Variants in EFCAB9 observed in about 807,000 individuals in gnomAD.
EFCAB9 encodes the protein EF-hand calcium-binding domain-containing protein 9.
Under a neutral mutation model 15.6 loss-of-function variants are expected in EFCAB9, and 16 were observed. The ratio of observed to expected loss-of-function variants is 1.03; its 90% CI spans 0.69 to 1.56. The LOEUF (loss-of-function observed/expected upper bound fraction) is 1.56, where lower values mean the gene tolerates loss of function less well. EFCAB9 is among the 40% of genes most tolerant of loss of function. EFCAB9 has a pLI of 0.00. For synonymous variants in EFCAB9, 76 were observed against 85.4 expected, an observed-to-expected ratio of 0.89 and a Z score of 0.61; for missense variants, 208 against 235.4, an observed-to-expected ratio of 0.88 and a Z score of 0.76.
chr5:172,199,362 C>T, intron 1 of EFCAB9, 21 bp from the exon 2 acceptor site: 2 of 1,536,588 alleles, frequency 1.3e-6, no homozygotes, highest in Non-Finnish European at 1.7e-6. Flanking sequence ...AACACATCTC[C>T]TCACCTGCCC....
chr5:172,199,963 G>A (rs1233297880), intron 2 of EFCAB9, among the ~76,000 whole-genome samples: 7 of 124,576 alleles, frequency 5.6e-5, no homozygotes, highest in Non-Finnish European at 8.0e-5. Flanking sequence ...TTGAGACTGA[G>A]TCTCAATCTG....
intron 2 of EFCAB9, among the ~76,000 whole-genome samples, chr5:172,199,828 G>C (rs779939481): frequency 6.6e-6 from 1 of 151,362 alleles, no homozygotes; most frequent in Non-Finnish European, 1.5e-5. Context: ...AGAATCACCA[G>C]TTAGCTCAAA....
At position 172,203,289 on chromosome 5, in the gene EFCAB9, G is replaced by A. The variant is rs1192061610; in HGVS notation, c.538G>A (p.Glu180Lys). The A allele has an allele frequency of 6.5e-7, 1 of 1,536,468 alleles. No individual in the cohort carries two copies. The highest frequency in any genetic ancestry group is 2.0e-5 in the Admixed American group (1 of 50,894). ...DKLQKRQKTEEKEKGERKRSL... is the reference protein window; with the variant it reads ...DKLQKRQKTEKKEKGERKRSL... ...ATTACAGAAGAGGCAGAAAACAGAGGAGAAAGAAAAAGGAGAGAGAAAGAG... is the reference window on the plus strand; with the variant it reads ...ATTACAGAAGAGGCAGAAAACAGAGAAGAAAGAAAAAGGAGAGAGAAAGAG... Residue 180 changes from glutamate to lysine, a missense_variant, in exon 4 of 4, where the codon GAG becomes AAG. Transcript: ENST00000398186.
At chr5:172,200,975 G>C (rs1388101683) in intron 3 of EFCAB9, among the ~76,000 whole-genome samples, 2 of 152,216 alleles carry the variant, frequency 1.3e-5, no homozygotes, top group Non-Finnish European at 2.9e-5. Context: ...GCTCATGCCT[G>C]TAATCCCAGG....
chr5:172,203,216 T>C lies in EFCAB9; in HGVS notation c.465T>C (p.Arg155=), dbSNP rs1771287880. 6.6e-7 allele frequency: 1 copy of C among 1,516,574 alleles called. No homozygotes were observed. 93.9% of individuals were successfully genotyped at this position (1,516,574 alleles called of 1,614,324 possible). The change falls in exon 4 of 4, where the codon CGT becomes CGC. Residue 155 remains arginine, a splice_region_variant and synonymous_variant. Transcript: ENST00000398186. The part of the protein sequence containing the change: ...FRDFDITGDN[R]LNYQEFKLYT... ...TTTCCCCCCCACCCTAACCAAAGCG[T>C]CTTAATTATCAGGAATTTAAGCTGT...
At position 172,200,565 on chromosome 5, in the gene EFCAB9, G is replaced by A. The variant is rs917638708; in HGVS notation, c.286-1G>A. 2 of 1,534,932 alleles carry A rather than the reference G, an allele frequency of 1.3e-6. No homozygotes were observed. The highest frequency in any genetic ancestry group is 1.7e-6 in the Non-Finnish European group (2 of 1,146,044). On this transcript the variant is annotated splice_acceptor_variant, in intron 2 of 3. Coordinates refer to ENST00000398186, the MANE Select transcript of EFCAB9 (RefSeq NM_001171183.2). LOFTEE classifies it high-confidence loss of function. Reference sequence around the variant, plus strand: ...CATCTCACCTATTTCTCTCGCAATAGAACCATTTGGAAGGACAGTTTATGT... The same window carrying A: ...CATCTCACCTATTTCTCTCGCAATAAAACCATTTGGAAGGACAGTTTATGT...
At chr5:172,201,620 G>A (rs1274446664) in intron 3 of EFCAB9, among the ~76,000 whole-genome samples, 1 of 152,144 alleles carries the variant, frequency 6.6e-6, no homozygotes, top group Non-Finnish European at 1.5e-5. Flanking sequence ...ATACTTTGGA[G>A]GAAATATAAT....
intron 1 of EFCAB9, among the ~76,000 whole-genome samples, chr5:172,196,389 CTTTTTTTT>C (rs557468567): frequency 7.0e-6 from 1 of 142,778 alleles, no homozygotes; most frequent in Non-Finnish European, 1.5e-5. Flanking sequence ...GGAGACATTT[CTTTTTTTT>C]TTTTTTGAGA....
Position 172,203,198 on chromosome 5 carries a change from C to T in EFCAB9, c.463-16C>T. On this transcript the variant is annotated splice_polypyrimidine_tract_variant and intron_variant, in intron 3 of 3. Coordinates refer to ENST00000398186, the MANE Select transcript of EFCAB9 (RefSeq NM_001171183.2). ...TTCCTGAAATAATTTTTCTTTCCCC[C>T]CCACCCTAACCAAAGCGTCTTAATT... 1 of 1,457,160 alleles carries T rather than the reference C, an allele frequency of 6.9e-7. No individual in the cohort carries two copies. Among genetic ancestry groups the T allele is most frequent in the Non-Finnish European group, 9.0e-7 (1 of 1,114,186 alleles). 90.3% of individuals were successfully genotyped at this position (1,457,160 alleles called of 1,614,324 possible). A position where few individuals can be genotyped will look rare whatever the true frequency, so the allele number is the denominator to read the frequency against.
At chr5:172,202,707 C>CAA (rs904999655) in intron 3 of EFCAB9, among the ~76,000 whole-genome samples, 2 of 128,636 alleles carry the variant, frequency 1.6e-5, no homozygotes, top group Non-Finnish European at 3.4e-5. Flanking sequence ...GACCCCGTCT[C>CAA]AAAAAAAAAA....
At chr5:172,197,672 C>A (rs1771184379) in intron 1 of EFCAB9, among the ~76,000 whole-genome samples, 1 of 152,166 alleles carries the variant, frequency 6.6e-6, no homozygotes, top group South Asian at 2.1e-4. Context: ...TCCCTGACTT[C>A]AAGATAAAGC....
intron 1 of EFCAB9, among the ~76,000 whole-genome samples, chr5:172,195,381 T>G (rs1406502346): frequency 3.9e-5 from 6 of 152,136 alleles, no homozygotes; most frequent in Admixed American, 6.5e-5. Context: ...TCCGTCATGA[T>G]TTTAAGGAGT....
rs1771120353 is a variant in EFCAB9 at position 172,194,316 on chromosome 5, C to T, written c.136+8C>T. ...GCAAGAACACCTTGAATGGTCAGTA[C>T]TTTCAGACATGTCTCCTCTGGGTCC... is the stretch of plus-strand genomic sequence containing the variant. On this transcript the variant is annotated splice_region_variant and intron_variant, in intron 1 of 3. Coordinates refer to ENST00000398186, the MANE Select transcript of EFCAB9 (RefSeq NM_001171183.2). 1 of 1,537,574 alleles carries T rather than the reference C, an allele frequency of 6.5e-7. No homozygotes were observed. Among genetic ancestry groups the T allele is most frequent in the African/African-American group, 1.4e-5 (1 of 73,026 alleles).
chr5:172,195,999 G>A (rs1026077784), intron 1 of EFCAB9, among the ~76,000 whole-genome samples: 1 of 151,974 alleles, frequency 6.6e-6, no homozygotes, highest in Non-Finnish European at 1.5e-5. Context: ...GACGGGCGGG[G>A]TTTCACTATG....
intron 1 of EFCAB9, 142 bp from the exon 2 acceptor site, chr5:172,199,241 C>A: frequency 1.8e-6 from 2 of 1,131,158 alleles, no homozygotes; most frequent in Non-Finnish European, 2.4e-6. Flanking sequence ...AGTACAGTGG[C>A]AAAGCCAGAA....
chr5:172,202,312 G>A (rs1252473023), intron 3 of EFCAB9, among the ~76,000 whole-genome samples: 5 of 116,896 alleles, frequency 4.3e-5, no homozygotes, highest in East Asian at 2.7e-4. Context: ...CTGCCTGGGC[G>A]ACAGAGTGAG....
intron 3 of EFCAB9, among the ~76,000 whole-genome samples, chr5:172,201,479 G>A (rs1356177024): frequency 2.0e-5 from 3 of 152,016 alleles, no homozygotes; most frequent in Admixed American, 2.0e-4. Context: ...TCCGGGAGGC[G>A]GAGGTTGCAG....
chr5:172,195,135 G>T (rs941711138), intron 1 of EFCAB9, among the ~76,000 whole-genome samples: 7 of 149,672 alleles, frequency 4.7e-5, no homozygotes, highest in Non-Finnish European at 8.9e-5. Flanking sequence ...TCTACTTATT[G>T]GTACTTGTGA....
In EFCAB9 at chr5:172,203,368, A is replaced by G. The variant is rs114912331; in HGVS notation, c.*23A>G. The G allele has an allele frequency of 1.8e-3, 2,684 of 1,517,258 alleles. 51 individuals carry two copies. In the African/African-American group the frequency reaches 0.034, roughly 19 times the overall value. The allele number at this position is 1,517,258 out of a possible 1,614,324, so 94.0% of individuals were successfully genotyped here. On this transcript the variant is annotated 3_prime_UTR_variant, in exon 4 of 4. Coordinates refer to ENST00000398186, the MANE Select transcript of EFCAB9 (RefSeq NM_001171183.2). ...TAGATACAAGCTGAAAGAGTCTTGG[A>G]AAAAAATGGGATCTGAAAGTACAGA...
Sources: gnomAD v4.1 joint callset for allele counts (sites outside exome capture counted in the v4.1 genomes callset) on GRCh38, gnomAD v4.1.1 for gene constraint, MANE v1.5 for transcripts, NCBI Gene and HGNC (gene_info 2026-07-23, HGNC 2026-07-21) for gene names.